Variants in FRRS1 observed in about 807,000 individuals in gnomAD.
FRRS1 encodes the protein ferric chelate reductase 1.
In FRRS1, 51 loss-of-function variants were observed where a neutral mutation model predicts 70.7. That is an observed-to-expected ratio of 0.72 (90% CI 0.58 to 0.91). The LOEUF (loss-of-function observed/expected upper bound fraction) is 0.91. Among genes scored for constraint, FRRS1 ranks in the 40% least tolerant of loss-of-function variants. The pLI is 0.00. For missense variants in FRRS1, 672 were observed against 726.0 expected (o/e 0.93, Z 0.86); for synonymous variants, 225 against 238.7 (o/e 0.94, Z 0.53).
rs776109586 is a variant in FRRS1 at position 99,708,338 on chromosome 1, G to A, written c.*690C>T. Among the ~76,000 whole-genome samples the A allele has an allele frequency of 1.3e-5, 2 of 151,876 alleles. No homozygotes were observed. The highest frequency in any genetic ancestry group is 1.9e-4 in the East Asian group (1 of 5,184). ...CCATAGGCTGGGCGTGGTGGCTCAC[G>A]CCTGTAATCCCAGCACTTTGGGAAG... On this transcript the variant is annotated 3_prime_UTR_variant, in exon 17 of 17. Coordinates refer to ENST00000646001, the MANE Select transcript of FRRS1 (RefSeq NM_001361041.2).
At position 99,707,681 on chromosome 1, in the gene FRRS1, A is replaced by G. The variant is rs1307849490; in HGVS notation, c.*1347T>C. On this transcript the variant is annotated 3_prime_UTR_variant, in exon 17 of 17. Transcript: ENST00000646001. ...TCCGGTAATGTTACCTAAATACTAG[A>G]AAGGAATCAGCACAAGGAAACAGGA... 6.6e-6 allele frequency among the ~76,000 whole-genome samples: 1 copy of G among 152,228 alleles called. No homozygotes were observed. Among genetic ancestry groups the G allele is most frequent in the African/African-American group, 2.4e-5 (1 of 41,458 alleles).
At chr1:99,720,443 T>C (rs567504484) in intron 9 of FRRS1, among the ~76,000 whole-genome samples, 133 of 152,202 alleles carry the variant, frequency 8.7e-4, no homozygotes, top group Non-Finnish European at 1.6e-3. Flanking sequence ...GGAACATACA[T>C]ATTTTTAGAA....
chr1:99,730,864 C>A (rs1655341815), intron 7 of FRRS1, among the ~76,000 whole-genome samples: 1 of 100,384 alleles, frequency 1.0e-5, no homozygotes, highest in South Asian at 3.7e-4. Context: ...GAAACTCAGT[C>A]TCAAAAAAAA....
chr1:99,709,862 G>A (rs896661524), intron 15 of FRRS1, among the ~76,000 whole-genome samples: 2 of 152,074 alleles, frequency 1.3e-5, no homozygotes, highest in Admixed American at 1.3e-4. Context: ...CAGCTAGATG[G>A]GAATCTGAAT....
chr1:99,712,008 A>G (rs937805205), intron 14 of FRRS1, 97 bp downstream of exon 14: 17 of 776,590 alleles, frequency 2.2e-5, no homozygotes, highest in Admixed American at 2.1e-4. Context: ...AATTACTCCA[A>G]TTACTAATGC....
chr1:99,718,434 T>G (rs1244199805), intron 10 of FRRS1, among the ~76,000 whole-genome samples: 1 of 152,128 alleles, frequency 6.6e-6, no homozygotes, highest in Non-Finnish European at 1.5e-5. Flanking sequence ...GTTCAAGAAA[T>G]TCTCCTGCCT....
chr1:99,709,166 G>A (rs747296537), intron 16 of FRRS1, 32 bp downstream of exon 16: 6 of 1,606,688 alleles, frequency 3.7e-6, no homozygotes, highest in Non-Finnish European at 5.1e-6. Flanking sequence ...TTACCATTAA[G>A]GTTTGTGTCA....
Position 99,710,862 on chromosome 1 carries a change from C to G in FRRS1, c.1568G>C (p.Trp523Ser), listed in dbSNP as rs769000209. The G allele has an allele frequency of 6.2e-7, 1 of 1,613,788 alleles. No homozygotes were observed. Among genetic ancestry groups the G allele is most frequent in the African/African-American group, 1.3e-5 (1 of 74,874 alleles). The change falls in exon 15 of 17, where the codon TGG becomes TCG. Residue 523 changes from tryptophan to serine, a missense_variant. Coordinates refer to ENST00000646001, the MANE Select transcript of FRRS1 (RefSeq NM_001361041.2). ...CAGAACAACCTCAGTCCCAACATGC[C>G]AGGCTACGAATCCGGTCATTGCATA... ...KTYAMTGFVA[W>S]HVGTEVVLEV...
intron 11 of FRRS1, 67 bp downstream of exon 11, chr1:99,717,343 C>A: frequency 9.9e-7 from 1 of 1,012,094 alleles, no homozygotes; most frequent in South Asian, 1.3e-5. Flanking sequence ...ACACATACTT[C>A]ATATGTTTTC....
chr1:99,748,780 G>C lies in FRRS1; in HGVS notation c.1-12C>G. The C allele has an allele frequency of 6.2e-6, 10 of 1,605,220 alleles. No individual in the cohort carries two copies. In the South Asian group the frequency reaches 1.1e-4, roughly 18 times the overall value. ...CCAGAAACTGCCATCTCAAAAAGAA[G>C]GGTAAAAGCCCATTATTGTCATATA... On this transcript the variant is annotated splice_polypyrimidine_tract_variant and intron_variant, in intron 2 of 16. Coordinates refer to ENST00000646001, the MANE Select transcript of FRRS1 (RefSeq NM_001361041.2).
At position 99,704,728 on chromosome 1, in the gene FRRS1, G is replaced by A. The variant is rs1190552773; in HGVS notation, c.*4300C>T. 3.9e-5 allele frequency among the ~76,000 whole-genome samples: 6 copies of A among 152,162 alleles called. No individual in the cohort carries two copies. Among genetic ancestry groups the A allele is most frequent in the Non-Finnish European group, 8.8e-5 (6 of 68,034 alleles). On this transcript the variant is annotated 3_prime_UTR_variant, in exon 17 of 17. Transcript: ENST00000646001. ...ACAAGCAGCTGGACAGCGAGAGGAT[G>A]TGGATGGGAGCACGCCAGAGGAAGA...
chr1:99,733,733 G>T (rs1655512184), intron 7 of FRRS1, among the ~76,000 whole-genome samples: 1 of 152,226 alleles, frequency 6.6e-6, no homozygotes, highest in African/African-American at 2.4e-5. Flanking sequence ...TAATAAGTAA[G>T]TTAGAAGATC....
intron 9 of FRRS1, among the ~76,000 whole-genome samples, chr1:99,721,539 A>T (rs534905187): frequency 6.6e-6 from 1 of 152,240 alleles, no homozygotes; most frequent in South Asian, 2.1e-4. Context: ...AGAAATACAG[A>T]ATTACAAAAA....
intron 1 of FRRS1, among the ~76,000 whole-genome samples, chr1:99,753,277 T>C (rs995776669): frequency 6.6e-6 from 1 of 150,840 alleles, no homozygotes; most frequent in East Asian, 1.9e-4. Context: ...TCCCAGCACT[T>C]TGGGAGGGAA....
intron 1 of FRRS1, among the ~76,000 whole-genome samples, chr1:99,753,914 G>A (rs903582759): frequency 6.6e-6 from 1 of 152,106 alleles, no homozygotes; most frequent in East Asian, 1.9e-4. Context: ...TAAATATAAA[G>A]ACACATATAG....
intron 5 of FRRS1, 24 bp downstream of exon 5, chr1:99,742,145 TGCCTGGCCCA>T: frequency 1.5e-6 from 2 of 1,353,412 alleles, no homozygotes; most frequent in South Asian, 2.4e-5. Context: ...TGAGCCACCA[TGCCTGGCCCA>T]GAATTATAAA....
At chr1:99,764,991 G>A (rs1247613187) in intron 1 of FRRS1, among the ~76,000 whole-genome samples, 2 of 152,130 alleles carry the variant, frequency 1.3e-5, no homozygotes, top group Non-Finnish European at 2.9e-5. Flanking sequence ...CTGGATATCA[G>A]TAAAGGTGTC....
intron 12 of FRRS1, among the ~76,000 whole-genome samples, chr1:99,714,404 G>A (rs1011328482): frequency 4.4e-4 from 67 of 152,146 alleles, no homozygotes; most frequent in African/African-American, 1.5e-3. Context: ...GGCTGGTCTC[G>A]AACTCCTGAC....
chr1:99,719,384 G>T lies in FRRS1; in HGVS notation c.1120+150C>A, dbSNP rs1196724362. Reference sequence around the variant, plus strand: ...AGATCGTGCCACTGCACTCCAGCCTGGTGACAGAGCGAGACTCCATCTCAA... The same window carrying T: ...AGATCGTGCCACTGCACTCCAGCCTTGTGACAGAGCGAGACTCCATCTCAA... On this transcript the variant is annotated intron_variant, in intron 10 of 16. Coordinates refer to ENST00000646001, the MANE Select transcript of FRRS1 (RefSeq NM_001361041.2). 11 of 521,370 alleles carry T rather than the reference G, an allele frequency of 2.1e-5. No individual in the cohort carries two copies. The East Asian group carries it at 4.1e-4, about 20-fold the overall frequency. The allele number at this position is 521,370 out of a possible 1,614,324, so 32.3% of individuals were successfully genotyped here.
Sources: gnomAD v4.1 joint callset for allele counts (sites outside exome capture counted in the v4.1 genomes callset) on GRCh38, gnomAD v4.1.1 for gene constraint, MANE v1.5 for transcripts, NCBI Gene and HGNC (gene_info 2026-07-23, HGNC 2026-07-21) for gene names.